The following ATRX variants were observed in gnomAD, a reference collection of about 807,000 sequenced individuals.
ATRX encodes the protein chromatin remodeler ATRX.
A neutral mutation model predicts 172.6 loss-of-function variants in ATRX; 12 were observed. The observed-to-expected ratio is 0.07, with a 90% CI of 0.04 to 0.11. The LOEUF is 0.11. Ranked by LOEUF, ATRX falls within the 10% of genes least tolerant of loss-of-function variation. The pLI, the probability that ATRX is intolerant of heterozygous loss-of-function variation, is 1.00. For synonymous variants in ATRX, 674 were observed against 594.7 expected (o/e 1.13, Z -1.94); for missense variants, 1,368 against 1,767.4 (o/e 0.77, Z 4.05).
At chrX:77,743,345 A>T (rs782024381) in intron 1 of ATRX, among the ~76,000 whole-genome samples, 1 of 110,861 alleles carries the variant, frequency 9.0e-6, no homozygotes, top group Non-Finnish European at 1.9e-5. Context: ...CCCTCACCCA[A>T]GCATTTTGCC....
intron 1 of ATRX, among the ~76,000 whole-genome samples, chrX:77,778,456 C>T (rs1257644135): frequency 9.3e-6 from 1 of 107,776 alleles, no homozygotes; most frequent in African/African-American, 3.4e-5. Flanking sequence ...GGCGCGGTGG[C>T]TCACGCCTGT....
chrX:77,537,748 C>G (rs1192288601), intron 30 of ATRX, among the ~76,000 whole-genome samples: 3 of 111,404 alleles, frequency 2.7e-5, no homozygotes, highest in Non-Finnish European at 5.6e-5. Context: ...AGATGTTTGA[C>G]AGGACAAATT....
At chrX:77,711,955 CA>C (rs2073133143) in intron 2 of ATRX, among the ~76,000 whole-genome samples, 1 of 112,389 alleles carries the variant, frequency 8.9e-6, no homozygotes, top group Non-Finnish European at 1.9e-5. Flanking sequence ...TAGTCCTAAC[CA>C]GGCTGGTTGG....
chrX:77,719,183 C>T (rs1306416634), intron 1 of ATRX, among the ~76,000 whole-genome samples: 4 of 111,042 alleles, frequency 3.6e-5, no homozygotes, highest in East Asian at 2.8e-4. Context: ...TGAGAGAAAA[C>T]GATTTTCAAA....
Position 77,772,732 on chromosome X carries a change from C to T in ATRX, c.20+13250G>A, listed in dbSNP as rs1557199924. On this transcript the variant is annotated intron_variant, in intron 1 of 34. Coordinates refer to ENST00000373344, the MANE Select transcript of ATRX (RefSeq NM_000489.6). ...TCTTGACCTCGTGATCCATCCGCCTCGGCCTCCCAAAGTGCTGGGATCACT... is the reference window on the plus strand; with the variant it reads ...TCTTGACCTCGTGATCCATCCGCCTTGGCCTCCCAAAGTGCTGGGATCACT... Among the ~76,000 whole-genome samples the T allele has an allele frequency of 2.7e-5, 3 of 109,836 alleles. No individual in the cohort carries two copies. The South Asian group carries it at 1.2e-3, about 42-fold the overall frequency.
chrX:77,611,117 G>A (rs1340637204), intron 22 of ATRX, among the ~76,000 whole-genome samples: 1 of 110,483 alleles, frequency 9.1e-6, no homozygotes, highest in African/African-American at 3.3e-5. Flanking sequence ...AAGATTATAG[G>A]TAGTTTTTAT....
intron 1 of ATRX, among the ~76,000 whole-genome samples, chrX:77,720,290 A>C (rs782542694): frequency 9.8e-5 from 11 of 111,951 alleles, no homozygotes; most frequent in African/African-American, 3.6e-4. Flanking sequence ...AAGAGCAAAC[A>C]ACTTCAAAAG....
chrX:77,549,817 G>C (rs1557054991), intron 30 of ATRX, among the ~76,000 whole-genome samples: 2 of 111,781 alleles, frequency 1.8e-5, no homozygotes, highest in Non-Finnish European at 3.8e-5. Context: ...AATCCAATGA[G>C]GGGATTTAAA....
chrX:77,735,598 C>CTAAATAAA (rs200045391), intron 1 of ATRX, among the ~76,000 whole-genome samples: 21,428 of 60,017 alleles, frequency 0.36, 5,336 homozygotes, highest in Non-Finnish European at 0.46. Flanking sequence ...TCTCAAAAAA[C>CTAAATAAA]TAAATAAATA....
intron 1 of ATRX, among the ~76,000 whole-genome samples, chrX:77,763,518 T>G (rs2075799339): frequency 9.4e-6 from 1 of 106,166 alleles, no homozygotes; most frequent in Non-Finnish European, 1.9e-5. Flanking sequence ...TCACCCAGGC[T>G]GGAGTGCAGT....
intron 1 of ATRX, among the ~76,000 whole-genome samples, chrX:77,718,222 G>C (rs1246032020): frequency 9.1e-6 from 1 of 109,558 alleles, no homozygotes; most frequent in Non-Finnish European, 1.9e-5. Context: ...CCTAAGCAGT[G>C]TTTTGGTTTA....
chrX:77,627,164 C>T (rs1359938078), intron 19 of ATRX, among the ~76,000 whole-genome samples: 2 of 111,006 alleles, frequency 1.8e-5, no homozygotes, highest in East Asian at 2.8e-4. Flanking sequence ...ACCCGGGAGG[C>T]GGAGCTCGCA....
chrX:77,611,981 T>G (rs782051770), intron 22 of ATRX, among the ~76,000 whole-genome samples: 1 of 112,255 alleles, frequency 8.9e-6, no homozygotes, highest in Non-Finnish European at 1.9e-5. Flanking sequence ...TTCTTGGATT[T>G]TGTAATTTTG....
chrX:77,583,857 CT>C (rs1342492401), intron 27 of ATRX, among the ~76,000 whole-genome samples: 42 of 111,386 alleles, frequency 3.8e-4, no homozygotes, highest in African/African-American at 1.4e-3. Flanking sequence ...TCAAATTATC[CT>C]TGTTTGCAGA....
intron 1 of ATRX, among the ~76,000 whole-genome samples, chrX:77,754,315 A>T (rs1361319331): frequency 9.0e-6 from 1 of 111,596 alleles, no homozygotes; most frequent in Non-Finnish European, 1.9e-5. Flanking sequence ...GTGCCTTTTA[A>T]TTGGGGCATT....
At chrX:77,744,844 G>A (rs1169031181) in intron 1 of ATRX, among the ~76,000 whole-genome samples, 3 of 109,622 alleles carry the variant, frequency 2.7e-5, no homozygotes, top group Non-Finnish European at 5.7e-5. Flanking sequence ...AAAACTAGCT[G>A]GGTTAGCCAG....
Position 77,506,984 on chromosome X carries a change from T to C in ATRX, c.*1367A>G, listed in dbSNP as rs1390074278. 1.8e-5 allele frequency: 3 copies of C among 163,956 alleles called. No individual in the cohort carries two copies. Among genetic ancestry groups the C allele is most frequent in the Non-Finnish European group, 3.4e-5 (3 of 87,474 alleles). The allele number at this position is 163,956 out of a possible 1,213,427, so 13.5% of individuals were successfully genotyped here. On this transcript the variant is annotated 3_prime_UTR_variant, in exon 35 of 35. Coordinates refer to ENST00000373344, the MANE Select transcript of ATRX (RefSeq NM_000489.6). ...TCATCTCAAAAATGGTTCTGCCATG[T>C]TGAGTTGACTCCCATAGTCAAAAAC...
At chrX:77,532,115 C>T (rs782654951) in intron 30 of ATRX, among the ~76,000 whole-genome samples, 6 of 111,170 alleles carry the variant, frequency 5.4e-5, no homozygotes, top group Non-Finnish European at 7.5e-5. Flanking sequence ...CAACAAACCA[C>T]TGCTCAGGGA....
At chrX:77,636,255 G>C (rs1199549200) in intron 15 of ATRX, among the ~76,000 whole-genome samples, 199 bp from the exon 16 acceptor site, 1 of 111,873 alleles carries the variant, frequency 8.9e-6, no homozygotes, top group Non-Finnish European at 1.9e-5. Context: ...CCTGGTGGGA[G>C]GTGGCTGGAT....
Sources: allele counts gnomAD v4.1 joint callset (sites outside exome capture counted in the v4.1 genomes callset), GRCh38; gene constraint gnomAD v4.1.1; transcripts MANE v1.5; gene names NCBI Gene and HGNC (gene_info 2026-07-23, HGNC 2026-07-21).